The following DNAH10 variants were observed in gnomAD, a reference collection of about 807,000 sequenced individuals.
The protein encoded by DNAH10 is dynein axonemal heavy chain 10.
A neutral mutation model predicts 506.6 loss-of-function variants in DNAH10; 348 were observed. The ratio of observed to expected loss-of-function variants is 0.69; its 90% CI spans 0.63 to 0.75. DNAH10 has a LOEUF of 0.75. Ranked by LOEUF, DNAH10 falls within the 30% of genes least tolerant of loss-of-function variation. The pLI is 0.00. For missense variants in DNAH10, 5,179 were observed against 5,787.1 expected, an observed-to-expected ratio of 0.89 and a Z score of 3.41; for synonymous variants, 2,059 against 2,198.6, an observed-to-expected ratio of 0.94 and a Z score of 1.78.
chr12:123,881,602 T>C (rs1952508602), intron 50 of DNAH10, 23 bp from the exon 51 acceptor site: 3 of 1,484,094 alleles, frequency 2.0e-6, no homozygotes, highest in Middle Eastern at 3.4e-4. Context: ...GGTTTTGAAT[T>C]CTTTTTTTTT....
Position 123,917,781 on chromosome 12 carries a change from A to C in DNAH10, c.11200A>C (p.Thr3734Pro). ...NMLDNVDLVH[T>P]LEETKSKATE... ...GCTGGACAATGTGGACCTGGTGCAC[A>C]CCCTGGAGGAGACCAAATCCAAGGC... Residue 3734 changes from threonine (T) to proline (P), a missense_variant, in exon 64 of 79, where the codon ACC becomes CCC. Thr to Pro is a conservative substitution (Grantham distance 38). This residue lies in a region of DNAH10 where 4,844 missense variants were observed against 5,430.5 expected (regional missense o/e 0.89). Coordinates refer to ENST00000673944, the MANE Select transcript of DNAH10 (RefSeq NM_001372106.1). This position sits in a 1 kb window ranked among gnomAD's most constrained non-coding sequence, Gnocchi z 5.6. 1 of 1,575,040 alleles carries C rather than the reference A, an allele frequency of 6.3e-7. No homozygotes were observed. The highest frequency in any genetic ancestry group is 8.6e-7 in the Non-Finnish European group (1 of 1,160,670).
intron 78 of DNAH10, 177 bp downstream of exon 78, chr12:123,934,943 C>T (rs915355168): frequency 1.3e-5 from 11 of 835,678 alleles, no homozygotes; most frequent in Admixed American, 1.1e-4. Flanking sequence ...CTGGAAAAGG[C>T]GCGGCTGTAT....
intron 18 of DNAH10, among the ~76,000 whole-genome samples, chr12:123,807,020 G>A (rs1958703380): frequency 6.6e-6 from 1 of 152,076 alleles, no homozygotes; most frequent in Admixed American, 6.5e-5. Flanking sequence ...TGCCTGCCTT[G>A]GCCTCCCAAA....
Position 123,926,635 on chromosome 12 carries a change from A to G in DNAH10, c.11922-2A>G, listed in dbSNP as rs767346749. On this transcript the variant is annotated splice_acceptor_variant, in intron 68 of 78. Coordinates refer to ENST00000673944, the MANE Select transcript of DNAH10 (RefSeq NM_001372106.1). LOFTEE classifies it high-confidence loss of function. This position sits in a 1 kb window ranked among gnomAD's most constrained non-coding sequence, Gnocchi z 4.1. ...GTTTTCTGACTGTGTTTCTTTCACC[A>G]GGTATGTGCAGCCCCCAATGATCAG... 1.2e-6 allele frequency: 2 copies of G among 1,608,392 alleles called. No homozygotes were observed. Among genetic ancestry groups the G allele is most frequent in the Admixed American group, 1.7e-5 (1 of 58,760 alleles).
At chr12:123,894,191 A>T (rs1953118506) in intron 53 of DNAH10, among the ~76,000 whole-genome samples, 2 of 150,550 alleles carry the variant, frequency 1.3e-5, no homozygotes, top group Admixed American at 6.6e-5. Flanking sequence ...CCTGGGCTCA[A>T]ATGAGCCTCT....
At position 123,867,695 on chromosome 12, in the gene DNAH10, G is replaced by A. The variant is rs972692968; in HGVS notation, c.7302+94G>A. The A allele has an allele frequency of 5.2e-6, 8 of 1,542,488 alleles. No homozygotes were observed. In the Admixed American group the frequency reaches 1.5e-4, roughly 29 times the overall value. ...AAAGGGAGTGAAGATGCCAGACAGGGTGAACAGTAGCATTGTTGGTCAGTG... is the reference window on the plus strand; with the variant it reads ...AAAGGGAGTGAAGATGCCAGACAGGATGAACAGTAGCATTGTTGGTCAGTG... On this transcript the variant is annotated intron_variant, in intron 42 of 78. Transcript: ENST00000673944.
chr12:123,866,092 A>G lies in DNAH10; in HGVS notation c.7167+19A>G. On this transcript the variant is annotated intron_variant, in intron 41 of 78. Coordinates refer to ENST00000673944, the MANE Select transcript of DNAH10 (RefSeq NM_001372106.1). ...AAACAAGGTGAAATTTTTTTCTAAAATGAACTTAAATTTATTAGTATTGAT... is the reference window on the plus strand; with the variant it reads ...AAACAAGGTGAAATTTTTTTCTAAAGTGAACTTAAATTTATTAGTATTGAT... 1 of 1,572,306 alleles carries G rather than the reference A, an allele frequency of 6.4e-7. No homozygotes were observed. The highest frequency in any genetic ancestry group is 8.6e-7 in the Non-Finnish European group (1 of 1,158,652).
chr12:123,851,036 G>A lies in DNAH10; in HGVS notation c.6251G>A (p.Cys2084Tyr). ...VVIVPDLQQI[C>Y]EIMLFSEGFL... ...ATCGTGCCCGACCTGCAGCAGATCTGTGAGATCATGCTCTTCTCTGAGGGC... is the reference window on the plus strand; with the variant it reads ...ATCGTGCCCGACCTGCAGCAGATCTATGAGATCATGCTCTTCTCTGAGGGC... Residue 2084 changes from cysteine (C) to tyrosine (Y), a missense_variant, in exon 35 of 79, where the codon TGT (cysteine) becomes TAT (tyrosine). By Grantham distance (194) the Cys-to-Tyr change is radical. This residue lies in a region of DNAH10 where 4,844 missense variants were observed against 5,430.5 expected (regional missense o/e 0.89). Transcript: ENST00000673944. The A allele has an allele frequency of 6.2e-7, 1 of 1,613,072 alleles. No homozygotes were observed. The highest frequency in any genetic ancestry group is 1.3e-5 in the African/African-American group (1 of 75,042).
chr12:123,813,656 G>C lies in DNAH10; in HGVS notation c.3621+16G>C. ...AGAGATGGAGGTACTCAATCGCTGT[G>C]TGTAATTGAAACTACTTTTCGTGTA... On this transcript the variant is annotated intron_variant, in intron 20 of 78. Coordinates refer to ENST00000673944, the MANE Select transcript of DNAH10 (RefSeq NM_001372106.1). The C allele has an allele frequency of 6.2e-7, 1 of 1,613,082 alleles. No homozygotes were observed. The highest frequency in any genetic ancestry group is 8.5e-7 in the Non-Finnish European group (1 of 1,179,546).
chr12:123,851,069 A>G lies in DNAH10; in HGVS notation c.6284A>G (p.Glu2095Gly). The stretch of plus-strand genomic sequence containing the variant: ...ATGCTCTTCTCTGAGGGCTTCCTGG[A>G]GGCCAAGGTGGGGGGCCTTGGCAGC... ...EIMLFSEGFL[E>G]AKTLAKKMTV... The change falls in exon 35 of 79, where the codon GAG becomes GGG. Residue 2095 changes from glutamate (E) to glycine (G), a missense_variant. This residue lies in a region of DNAH10 where 4,844 missense variants were observed against 5,430.5 expected (regional missense o/e 0.89). Transcript: ENST00000673944. 6.2e-7 allele frequency: 1 copy of G among 1,600,394 alleles called. No homozygotes were observed. Among genetic ancestry groups the G allele is most frequent in the Non-Finnish European group, 8.5e-7 (1 of 1,170,842 alleles).
chr12:123,912,514 A>G (rs1954269470), intron 59 of DNAH10, among the ~76,000 whole-genome samples: 1 of 147,124 alleles, frequency 6.8e-6, no homozygotes, highest in Non-Finnish European at 1.5e-5. Flanking sequence ...CCTGGGCACT[A>G]TAGGATGTTT....
rs574069882 is a variant in DNAH10, at chr12:123,826,714, C to T, written c.4207C>T (p.Leu1403Phe). Residue 1403 changes from leucine (L) to phenylalanine (F), a missense_variant, in exon 25 of 79, where the codon CTT becomes TTT. Physicochemically the swap from Leu to Phe is conservative, Grantham distance 22. Around this residue, in one of 3 missense-constraint regions of DNAH10, gnomAD observed 4,844 missense variants for 5,430.5 expected, o/e 0.89. Transcript: ENST00000673944. ...KVAKEEWSQT[L>F]WINLNVQILQ... ...TGCAAAAGAAGAATGGTCTCAGACC[C>T]TTTGGATCAACCTGAATGTGCAGAT... is the stretch of plus-strand genomic sequence containing the variant. The T allele has an allele frequency of 3.7e-6, 6 of 1,613,736 alleles. No homozygotes were observed. The highest frequency in any genetic ancestry group is 1.3e-5 in the African/African-American group (1 of 75,044).
At chr12:123,798,927 G>A (rs1234659212) in intron 13 of DNAH10, among the ~76,000 whole-genome samples, 1 of 149,268 alleles carries the variant, frequency 6.7e-6, no homozygotes, top group Non-Finnish European at 1.5e-5. Context: ...CCAACATGGT[G>A]AAACCCTGTC....
At chr12:123,910,718 T>C (rs1462784213) in intron 59 of DNAH10, 46 bp downstream of exon 59, 1 of 1,599,784 alleles carries the variant, frequency 6.3e-7, no homozygotes, top group Admixed American at 1.7e-5. Flanking sequence ...AAGGGACCCA[T>C]TCAGAGTCAG....
At chr12:123,879,458 G>T in intron 49 of DNAH10, 101 bp downstream of exon 49, 2 of 1,469,380 alleles carry the variant, frequency 1.4e-6, no homozygotes, top group Non-Finnish European at 9.2e-7. Context: ...GGAAAAATAG[G>T]CACGAAAGGT....
chr12:123,793,675 A>G (rs1022992489), intron 11 of DNAH10, among the ~76,000 whole-genome samples: 1 of 151,976 alleles, frequency 6.6e-6, no homozygotes, highest in Non-Finnish European at 1.5e-5. Context: ...TTCCTGAACT[A>G]TTTCCTCTGT....
chr12:123,851,189 G>A, intron 35 of DNAH10, 113 bp downstream of exon 35: 2 of 1,166,016 alleles, frequency 1.7e-6, no homozygotes, highest in South Asian at 3.5e-5. Flanking sequence ...ACGGGACCTA[G>A]GATGTGTCAG....
intron 47 of DNAH10, among the ~76,000 whole-genome samples, chr12:123,876,487 G>T (rs1392115825): frequency 6.6e-6 from 1 of 151,978 alleles, no homozygotes; most frequent in African/African-American, 2.4e-5. Flanking sequence ...ACAAAAATTA[G>T]CCGGGTGTGG....
Position 123,903,179 on chromosome 12 carries a change from C to A in DNAH10, c.9815+66C>A, listed in dbSNP as rs878898742. 1.3e-6 allele frequency: 2 copies of A among 1,502,664 alleles called. No individual in the cohort carries two copies. Among genetic ancestry groups the A allele is most frequent in the Admixed American group, 2.2e-5 (1 of 45,098 alleles). 93.1% of individuals were successfully genotyped at this position (1,502,664 alleles called of 1,614,324 possible). ...TCTGCAAGCCAGTAGTCTCCATGAT[C>A]GTGGCAACCAGGAGCTTACAAAGGA... On this transcript the variant is annotated intron_variant, in intron 57 of 78. Transcript: ENST00000673944. This position sits in a 1 kb window ranked among gnomAD's most constrained non-coding sequence, Gnocchi z 4.6.
Sources: gnomAD v4.1 joint callset for allele counts (sites outside exome capture counted in the v4.1 genomes callset) on GRCh38, gnomAD v4.1.1 for gene constraint, gnomAD v4.1.1 regional missense constraint, Gnocchi (gnomAD v3.1) non-coding constraint, MANE v1.5 for transcripts, NCBI Gene and HGNC (gene_info 2026-07-23, HGNC 2026-07-21) for gene names.